DAB1: variants seen among roughly 807,000 people sequenced by gnomAD.
DAB1 encodes disabled homolog 1.
DAB1 carries 15 observed loss-of-function variants against 64.6 expected under a neutral mutation model. The observed-to-expected ratio is 0.23, with a 90% CI of 0.16 to 0.36. The LOEUF (loss-of-function observed/expected upper bound fraction) is 0.36. DAB1 is among the 10% of genes least tolerant of loss of function. The pLI, the probability that DAB1 is intolerant of heterozygous loss-of-function variation, is 1.00. For synonymous variants in DAB1, 235 were observed against 251.9 expected, an observed-to-expected ratio of 0.93 and a Z score of 0.64; for missense variants, 596 against 706.7, an observed-to-expected ratio of 0.84 and a Z score of 1.78.
At chr1:57,226,182 T>C (rs1009682017) in intron 2 of DAB1, among the ~76,000 whole-genome samples, 11 of 152,190 alleles carry the variant, frequency 7.2e-5, no homozygotes, top group African/African-American at 2.7e-4. Flanking sequence ...TAATGGGCTT[T>C]AATACCATCT....
At chr1:57,126,836 C>A (rs1201198321) in intron 4 of DAB1, among the ~76,000 whole-genome samples, 1 of 152,192 alleles carries the variant, frequency 6.6e-6, no homozygotes, top group Admixed American at 6.5e-5. Context: ...CTCTCCATCA[C>A]CCTGTCCCCA....
chr1:58,360,206 A>T (rs972301582), intron 3 of DAB1, among the ~76,000 whole-genome samples: 2 of 152,190 alleles, frequency 1.3e-5, no homozygotes, highest in Non-Finnish European at 2.9e-5. Context: ...GCACAGAGGA[A>T]GGTGTGATTA....
intron 1 of DAB1, among the ~76,000 whole-genome samples, chr1:57,358,671 A>C (rs923082853): frequency 2.0e-5 from 3 of 152,034 alleles, no homozygotes; most frequent in Non-Finnish European, 4.4e-5. Context: ...AATAGCCAAA[A>C]CAATCTTGAG....
chr1:57,743,678 C>T (rs577122252), intron 6 of DAB1, among the ~76,000 whole-genome samples: 17 of 152,224 alleles, frequency 1.1e-4, no homozygotes, highest in Non-Finnish European at 1.5e-4. Context: ...CTGACTCTGC[C>T]GAGAGCAGCT....
chr1:58,060,437 C>T (rs1648418045), intron 5 of DAB1: 1 of 152,222 alleles, frequency 6.6e-6, no homozygotes, highest in Non-Finnish European at 1.5e-5. Context: ...TTTCCTTCTT[C>T]TTACTGTATG....
intron 7 of DAB1, among the ~76,000 whole-genome samples, chr1:57,588,136 C>G (rs956976189): frequency 6.6e-6 from 1 of 152,204 alleles, no homozygotes; most frequent in African/African-American, 2.4e-5. Flanking sequence ...ACTGGCTACA[C>G]ACACAAGAAA....
At chr1:58,499,491 T>C (rs910840811) in intron 3 of DAB1, among the ~76,000 whole-genome samples, 1 of 149,148 alleles carries the variant, frequency 6.7e-6, no homozygotes, top group African/African-American at 2.5e-5. Flanking sequence ...GATAGATAGA[T>C]AGATAGATAG....
At chr1:57,016,815 A>T (rs1188541901) in intron 11 of DAB1, among the ~76,000 whole-genome samples, 1 of 152,206 alleles carries the variant, frequency 6.6e-6, no homozygotes, top group East Asian at 1.9e-4. Context: ...AGCTCCACTT[A>T]TTAAATGCCT....
chr1:57,143,467 C>T (rs1424896513), intron 3 of DAB1, among the ~76,000 whole-genome samples: 1 of 152,154 alleles, frequency 6.6e-6, no homozygotes, highest in Non-Finnish European at 1.5e-5. Flanking sequence ...GCACTAACTT[C>T]TTCCAAGGTG....
intron 4 of DAB1, among the ~76,000 whole-genome samples, chr1:58,157,688 C>T (rs1557675556): frequency 1.3e-5 from 2 of 152,272 alleles, no homozygotes; most frequent in Admixed American, 1.3e-4. Context: ...CAGGTAAACA[C>T]TGAGTTGCTG....
chr1:57,905,612 G>C (rs1644538535), intron 5 of DAB1, among the ~76,000 whole-genome samples: 1 of 152,162 alleles, frequency 6.6e-6, no homozygotes, highest in Non-Finnish European at 1.5e-5. Flanking sequence ...TGAGTCTGAA[G>C]CTCAGGGAAG....
intron 4 of DAB1, among the ~76,000 whole-genome samples, chr1:58,234,185 C>T (rs1478319309): frequency 1.3e-5 from 2 of 152,232 alleles, no homozygotes; most frequent in Non-Finnish European, 2.9e-5. Flanking sequence ...CTAACTCATG[C>T]TTGTCTGCTT....
At chr1:57,128,773 C>T (rs1472366104) in intron 4 of DAB1, among the ~76,000 whole-genome samples, 1 of 152,122 alleles carries the variant, frequency 6.6e-6, no homozygotes, top group Non-Finnish European at 1.5e-5. Flanking sequence ...GGCCTGTATG[C>T]ATGCTGACAA....
At chr1:57,521,721 T>C (rs968946538) in intron 7 of DAB1, among the ~76,000 whole-genome samples, 6 of 152,096 alleles carry the variant, frequency 3.9e-5, no homozygotes, top group Non-Finnish European at 5.9e-5. Context: ...GGCTGATAGA[T>C]AGAACATTAT....
intron 6 of DAB1, among the ~76,000 whole-genome samples, chr1:57,776,075 GTGTCTTTATGT>G (rs1442721186): frequency 1.1e-4 from 17 of 151,698 alleles, no homozygotes; most frequent in African/African-American, 3.4e-4. Context: ...TAGCCTATCT[GTGTCTTTATGT>G]TGTCTTTATG....
At chr1:57,092,941 C>G (rs190589556) in intron 4 of DAB1, among the ~76,000 whole-genome samples, 15 of 152,230 alleles carry the variant, frequency 9.9e-5, no homozygotes, top group Admixed American at 7.8e-4. Context: ...TAGTCCATTT[C>G]TTGATCAGGA....
chr1:58,473,006 A>G (rs1645377908), intron 3 of DAB1, among the ~76,000 whole-genome samples: 1 of 152,198 alleles, frequency 6.6e-6, no homozygotes, highest in African/African-American at 2.4e-5. Flanking sequence ...GGTGTTATAG[A>G]AGATTTGTTA....
rs546432258 is a variant in DAB1, at chr1:58,090,098, C to T, written n.387+60413G>A. ...AGTTTGAACAATATTTCTCTTTGAT[C>T]TTGTACACCAAGAAGCAATGTGGGA... On this transcript the variant is annotated intron_variant and non_coding_transcript_variant, in intron 5 of 20. Coordinates refer to the DAB1 transcript ENST00000485760. 1.6e-3 allele frequency among the ~76,000 whole-genome samples: 245 copies of T among 152,220 alleles called. 5 individuals carry two copies. The South Asian group carries it at 0.05, about 31-fold the overall frequency.
At chr1:57,074,716 T>G (rs1489283690) in intron 4 of DAB1, among the ~76,000 whole-genome samples, 1 of 152,138 alleles carries the variant, frequency 6.6e-6, no homozygotes, top group Non-Finnish European at 1.5e-5. Flanking sequence ...ATATCATGCT[T>G]AAATGGTAGT....
Sources: allele counts gnomAD v4.1 joint callset (sites outside exome capture counted in the v4.1 genomes callset), GRCh38; gene constraint gnomAD v4.1.1; transcripts MANE v1.5; gene names NCBI Gene and HGNC (gene_info 2026-07-23, HGNC 2026-07-21).